Variants in TMEM67 observed in about 807,000 individuals in gnomAD.
The protein encoded by TMEM67 is transmembrane protein 67, also known as meckelin.
A neutral mutation model predicts 136.6 loss-of-function variants in TMEM67; 124 were observed. The observed-to-expected ratio is 0.91, with a 90% CI of 0.78 to 1.05. The LOEUF is 1.05. Among genes scored for constraint, TMEM67 ranks in the 50% least tolerant of loss-of-function variants. The probability of loss-of-function intolerance (pLI) is 0.00; values close to 1 mark genes in which losing one functional copy is unlikely to be tolerated. For synonymous variants in TMEM67, 364 were observed against 390.5 expected (o/e 0.93, Z 0.80); for missense variants, 1,107 against 1,178.4 (o/e 0.94, Z 0.89).
chr8:93,783,938 G>T (rs1396224806), intron 11 of TMEM67, among the ~76,000 whole-genome samples: 1 of 152,156 alleles, frequency 6.6e-6, no homozygotes, highest in Non-Finnish European at 1.5e-5. Context: ...TACAGTTCAA[G>T]ATGAGATTTG....
At position 93,780,941 on chromosome 8, in the gene TMEM67, A is replaced by G; in HGVS notation, c.937A>G (p.Thr313Ala). Residue 313 changes from threonine to alanine, a missense_variant, in exon 9 of 28, where the codon ACC becomes GCC. Physicochemically the swap from Thr to Ala is moderately conservative, Grantham distance 58. Transcript: ENST00000453321. Reference protein sequence around the residue: ...LGLAPQVLSSTSLPTNFSFKG... With the variant: ...LGLAPQVLSSASLPTNFSFKG... Reference sequence around the variant, plus strand: ...ATTAGCACCTCAAGTGCTCAGTTCTACCTCTCTTCCTACAAATTTCAGTTT... The same window carrying G: ...ATTAGCACCTCAAGTGCTCAGTTCTGCCTCTCTTCCTACAAATTTCAGTTT... The G allele has an allele frequency of 6.2e-7, 1 of 1,612,118 alleles. No individual in the cohort carries two copies. Among genetic ancestry groups the G allele is most frequent in the Non-Finnish European group, 8.5e-7 (1 of 1,179,672 alleles).
At chr8:93,815,573 A>T in intron 27 of TMEM67, 126 bp downstream of exon 27, 1 of 845,566 alleles carries the variant, frequency 1.2e-6, no homozygotes. Flanking sequence ...GGTTTAGAAT[A>T]TGACTAACCC....
intron 16 of TMEM67, chr8:93,795,190 G>A (rs1814551359): frequency 1.7e-6 from 1 of 595,548 alleles, no homozygotes; most frequent in Non-Finnish European, 3.0e-6. Context: ...GAGAAGAGTT[G>A]AAAGAAGAGG....
At chr8:93,808,528 T>TG (rs1808552948) in intron 23 of TMEM67, among the ~76,000 whole-genome samples, 1 of 8,262 alleles carries the variant, frequency 1.2e-4, no homozygotes, top group Non-Finnish European at 2.5e-4. Context: ...TTATAATCTA[T>TG]ATATATCTAT....
chr8:93,756,038 A>C (rs1426627160), intron 2 of TMEM67, 172 bp downstream of exon 2: 4 of 505,186 alleles, frequency 7.9e-6, no homozygotes, highest in Non-Finnish European at 1.4e-5. Flanking sequence ...TTTCATGCAA[A>C]CTTGGAGAAA....
At chr8:93,775,697 G>T (rs918647940) in intron 7 of TMEM67, among the ~76,000 whole-genome samples, 5 of 152,160 alleles carry the variant, frequency 3.3e-5, no homozygotes, top group African/African-American at 1.2e-4. Context: ...CCTCTGTTCT[G>T]TTCCATTGGT....
intron 11 of TMEM67, among the ~76,000 whole-genome samples, chr8:93,783,777 G>A (rs1388069061): frequency 6.6e-6 from 1 of 152,178 alleles, no homozygotes; most frequent in Non-Finnish European, 1.5e-5. Flanking sequence ...AGGAAGAGAA[G>A]TACTGAGCAA....
intron 16 of TMEM67, 152 bp downstream of exon 16, chr8:93,793,448 T>A: frequency 1.5e-6 from 1 of 680,868 alleles, no homozygotes; most frequent in Admixed American, 2.3e-5. Context: ...ATATGGTATA[T>A]GTGTACCTCA....
In TMEM67 at chr8:93,811,505, A is replaced by C. The variant is rs530405051; in HGVS notation, c.2764+1618A>C. 1.1e-4 allele frequency among the ~76,000 whole-genome samples: 16 copies of C among 152,198 alleles called. No individual in the cohort carries two copies. The East Asian group carries it at 1.9e-3, about 18-fold the overall frequency. On this transcript the variant is annotated intron_variant, in intron 26 of 27. Transcript: ENST00000453321. The stretch of plus-strand genomic sequence containing the variant: ...CTTGCCTGATACACTAAGGAATTTC[A>C]CTCTATCCTGTAAACCTGTTGTTTC...
intron 26 of TMEM67, among the ~76,000 whole-genome samples, chr8:93,812,006 G>A (rs1359430961): frequency 3.9e-5 from 6 of 151,922 alleles, no homozygotes; most frequent in East Asian, 1.9e-4. Context: ...AAAATTAGCC[G>A]GGCATGGTGG....
At chr8:93,810,957 T>C (rs1298614427) in intron 26 of TMEM67, among the ~76,000 whole-genome samples, 1 of 152,250 alleles carries the variant, frequency 6.6e-6, no homozygotes, top group Non-Finnish European at 1.5e-5. Context: ...ACATGTCATT[T>C]GTAGTATGAC....
At chr8:93,824,717 TTTTG>T in the TMEM67 span, among the ~76,000 whole-genome samples, 5 of 152,088 alleles carry the variant, frequency 3.3e-5, no homozygotes, top group African/African-American at 9.7e-5. Context: ...TTTTTGTTGT[TTTTG>T]TTTGTTTGTT....
In TMEM67 at chr8:93,771,902, G is replaced by A. The variant is rs115877164; in HGVS notation, c.652-687G>A. On this transcript the variant is annotated intron_variant, in intron 6 of 27. Coordinates refer to ENST00000453321, the MANE Select transcript of TMEM67 (RefSeq NM_153704.6). ...ATTTCTCTGATCACTGTGGTGCCATGTTCATATAATTTAGTTATATCACTT... is the reference window on the plus strand; with the variant it reads ...ATTTCTCTGATCACTGTGGTGCCATATTCATATAATTTAGTTATATCACTT... Among the ~76,000 whole-genome samples the A allele has an allele frequency of 8.2e-3, 1,247 of 152,318 alleles. 22 individuals carry two copies. The highest frequency in any genetic ancestry group is 0.028 in the African/African-American group (1,181 of 41,562).
chr8:93,760,007 A>G lies in TMEM67; in HGVS notation c.406+1431A>G, dbSNP rs1586339723. 4 of 1,468,764 alleles carry G rather than the reference A, an allele frequency of 2.7e-6. No homozygotes were observed. The East Asian group carries it at 1.1e-4, about 39-fold the overall frequency. The allele number at this position is 1,468,764 out of a possible 1,614,324, so 91.0% of individuals were successfully genotyped here. On this transcript the variant is annotated intron_variant, in intron 3 of 27. Coordinates refer to ENST00000453321, the MANE Select transcript of TMEM67 (RefSeq NM_153704.6). The stretch of plus-strand genomic sequence containing the variant: ...TTGAAGAAATTTGTGAGTATTACTG[A>G]GGGATATGAAGGCAGGCTTTTAAGT...
rs1388133121 is a variant in TMEM67 at position 93,785,205 on chromosome 8, T to G, written c.1132-17T>G. The stretch of plus-strand genomic sequence containing the variant: ...GTTGCTGTTTTATGTGCTTTTATTT[T>G]TAATTTTACTTTTCAGTGTGAGATT... On this transcript the variant is annotated splice_polypyrimidine_tract_variant and intron_variant, in intron 11 of 27. Transcript: ENST00000453321. 6.7e-6 allele frequency: 10 copies of G among 1,493,264 alleles called. No individual in the cohort carries two copies. The highest frequency in any genetic ancestry group is 8.4e-6 in the Non-Finnish European group (9 of 1,074,092). 92.5% of individuals were successfully genotyped at this position (1,493,264 alleles called of 1,614,324 possible). A position where few individuals can be genotyped will look rare whatever the true frequency, so the allele number is the denominator to read the frequency against.
At chr8:93,794,275 C>T (rs766244671) in intron 16 of TMEM67, among the ~76,000 whole-genome samples, 5 of 152,004 alleles carry the variant, frequency 3.3e-5, no homozygotes, top group Non-Finnish European at 7.4e-5. Context: ...TTAGGAAAAC[C>T]GTCCCTATAT....
the TMEM67 span, among the ~76,000 whole-genome samples, chr8:93,830,599 G>GTGGT: frequency 6.6e-6 from 1 of 152,232 alleles, no homozygotes; most frequent in Non-Finnish European, 1.5e-5. Context: ...TGCTTGTTTG[G>GTGGT]TGGTGGGGAG....
downstream of TMEM67, among the ~76,000 whole-genome samples, chr8:93,820,200 T>TG (rs148766501): frequency 0.021 from 3,132 of 152,242 alleles, 97 homozygotes; most frequent in African/African-American, 0.071. Flanking sequence ...TGGCTGTGCA[T>TG]GGTGTGCCGT....
intron 26 of TMEM67, 86 bp downstream of exon 26, chr8:93,809,973 T>C: frequency 5.5e-6 from 2 of 364,866 alleles, no homozygotes; most frequent in Non-Finnish European, 9.2e-6. Context: ...CTTTTTTTCT[T>C]TTTTTTTTTT....
Sources: allele counts gnomAD v4.1 joint callset (sites outside exome capture counted in the v4.1 genomes callset), GRCh38; gene constraint gnomAD v4.1.1; transcripts MANE v1.5; gene names NCBI Gene and HGNC (gene_info 2026-07-23, HGNC 2026-07-21).